The following TNNI3K variants were observed in gnomAD, a reference collection of about 807,000 sequenced individuals.
TNNI3K encodes the protein TNNI3 interacting kinase, also known as serine/threonine-protein kinase TNNI3K.
In TNNI3K, 140 loss-of-function variants were observed where a neutral mutation model predicts 114.5. The observed-to-expected ratio is 1.22, with a 90% CI of 1.07 to 1.41. The LOEUF is 1.41. TNNI3K is among the 40% of genes most tolerant of loss of function. The pLI, the probability that TNNI3K is intolerant of heterozygous loss-of-function variation, is 0.00. For missense variants in TNNI3K, 1,125 were observed against 1,007.6 expected, an observed-to-expected ratio of 1.12 and a Z score of -1.58; for synonymous variants, 347 against 347.5, an observed-to-expected ratio of 1.00 and a Z score of 0.02.
At chr1:74,437,797 AC>A (rs771587565) in intron 19 of TNNI3K, among the ~76,000 whole-genome samples, 2 of 151,724 alleles carry the variant, frequency 1.3e-5, no homozygotes, top group African/African-American at 2.4e-5. Context: ...AAGTTTAGAA[AC>A]TTTTTTTAAG....
chr1:74,299,257 T>A (rs556748689), intron 5 of TNNI3K, among the ~76,000 whole-genome samples: 1 of 152,290 alleles, frequency 6.6e-6, no homozygotes, highest in South Asian at 2.1e-4. Flanking sequence ...GGTTACTGGC[T>A]TTTGCATCTT....
chr1:74,459,077 A>G (rs1436763653), intron 20 of TNNI3K, among the ~76,000 whole-genome samples: 1 of 152,214 alleles, frequency 6.6e-6, no homozygotes, highest in Admixed American at 6.5e-5. Context: ...TAGCAAAGAC[A>G]TGGAATCAAC....
At chr1:74,246,879 G>A (rs150619139) in intron 2 of TNNI3K, among the ~76,000 whole-genome samples, 26 of 152,264 alleles carry the variant, frequency 1.7e-4, no homozygotes, top group African/African-American at 6.0e-4. Flanking sequence ...ATCCTTGAAA[G>A]CCTCATTCTT....
chr1:74,336,530 G>A (rs1660477691), intron 7 of TNNI3K, among the ~76,000 whole-genome samples: 3 of 135,758 alleles, frequency 2.2e-5, no homozygotes, highest in Middle Eastern at 4.4e-3. Flanking sequence ...TCCCCAGAGT[G>A]TGATATTCCC....
At chr1:74,298,973 G>A (rs1658156711) in intron 5 of TNNI3K, among the ~76,000 whole-genome samples, 1 of 152,042 alleles carries the variant, frequency 6.6e-6, no homozygotes, top group Admixed American at 6.6e-5. Flanking sequence ...GAAACACGGT[G>A]AAAGGAAACT....
At chr1:74,463,388 T>C in intron 20 of TNNI3K, 53 bp from the exon 21 acceptor site, 1 of 1,586,384 alleles carries the variant, frequency 6.3e-7, no homozygotes, top group Non-Finnish European at 8.7e-7. Context: ...CTTCATTTGT[T>C]GCTTGAAATA....
chr1:74,535,649 A>G (rs2100453810), intron 23 of TNNI3K, among the ~76,000 whole-genome samples: 1 of 152,250 alleles, frequency 6.6e-6, no homozygotes, highest in Middle Eastern at 3.4e-3. Context: ...CCCCTACTAG[A>G]ACAATTCAAT....
rs200123270 is a variant in TNNI3K at position 74,436,448 on chromosome 1, C to T, written c.1826-26C>T. 1.4e-4 allele frequency: 220 copies of T among 1,562,904 alleles called. No homozygotes were observed. The African/African-American group carries it at 2.2e-3, about 16-fold the overall frequency. On this transcript the variant is annotated intron_variant, in intron 18 of 24. Transcript: ENST00000326637. ...CTTGGTTTTAAGATATTTCCTTTGA[C>T]GTGATTTATTTTCTCTTTCCCTCAG...
At chr1:74,474,408 T>C (rs1668089107) in intron 21 of TNNI3K, among the ~76,000 whole-genome samples, 1 of 152,122 alleles carries the variant, frequency 6.6e-6, no homozygotes, top group African/African-American at 2.4e-5. Flanking sequence ...ACTCACATCC[T>C]ACCTTATAAC....
chr1:74,543,984 A>G lies in TNNI3K; in HGVS notation c.*2A>G. ...AGCAGCTTTGAGGACAGCAGCTGAC[A>G]GCATTCGGCGTATACCTAAGGAGAG... On this transcript the variant is annotated 3_prime_UTR_variant, in exon 25 of 25. Coordinates refer to ENST00000326637, the MANE Select transcript of TNNI3K (RefSeq NM_015978.3). 5 of 1,612,724 alleles carry G rather than the reference A, an allele frequency of 3.1e-6. No individual in the cohort carries two copies. Among genetic ancestry groups the G allele is most frequent in the Non-Finnish European group, 4.2e-6 (5 of 1,179,468 alleles).
In TNNI3K at chr1:74,483,974, T is replaced by C. The variant is rs573481052; in HGVS notation, c.2122-5215T>C. On this transcript the variant is annotated intron_variant, in intron 21 of 24. Transcript: ENST00000326637. ...AATTCAGCTCTGTTTTTACTGACTA[T>C]ATTATCTTAGAAAAAAATATTTCTT... 2.6e-5 allele frequency among the ~76,000 whole-genome samples: 4 copies of C among 152,302 alleles called. No homozygotes were observed. The South Asian group carries it at 6.2e-4, about 24-fold the overall frequency.
intron 17 of TNNI3K, chr1:74,375,452 A>C (rs1214249677): frequency 5.2e-5 from 21 of 406,592 alleles, no homozygotes; most frequent in Non-Finnish European, 9.1e-5. Context: ...ATTAGAAATA[A>C]TGGTTTAGGA....
At chr1:74,488,335 A>G (rs753771166) in intron 21 of TNNI3K, among the ~76,000 whole-genome samples, 12 of 152,166 alleles carry the variant, frequency 7.9e-5, no homozygotes, top group Non-Finnish European at 1.8e-4. Flanking sequence ...TAAGGGAAGC[A>G]GTGTTCTCAG....
chr1:74,267,134 G>A (rs957768680), intron 4 of TNNI3K, among the ~76,000 whole-genome samples: 3 of 152,032 alleles, frequency 2.0e-5, no homozygotes, highest in Admixed American at 2.0e-4. Context: ...AGTCTTAAGA[G>A]ACTTTCTTTT....
chr1:74,520,925 G>A (rs1449314101), intron 23 of TNNI3K, among the ~76,000 whole-genome samples: 3 of 152,116 alleles, frequency 2.0e-5, no homozygotes, highest in Admixed American at 6.5e-5. Flanking sequence ...TGTGAATAGT[G>A]GTGACATGGG....
At chr1:74,308,836 C>A (rs576509374) in intron 5 of TNNI3K, among the ~76,000 whole-genome samples, 1 of 152,070 alleles carries the variant, frequency 6.6e-6, no homozygotes, top group African/African-American at 2.4e-5. Context: ...ACTGATTCCA[C>A]AGAAATACAA....
At chr1:74,266,113 C>T (rs973843383) in intron 4 of TNNI3K, among the ~76,000 whole-genome samples, 1 of 151,876 alleles carries the variant, frequency 6.6e-6, no homozygotes, top group South Asian at 2.1e-4. Context: ...GACAGGATGC[C>T]GTGTGGATGG....
At chr1:74,496,227 G>A (rs1031780884) in intron 23 of TNNI3K, among the ~76,000 whole-genome samples, 3 of 152,142 alleles carry the variant, frequency 2.0e-5, no homozygotes, top group African/African-American at 7.2e-5. Context: ...AGAAGGGGAT[G>A]CAGCTAATGA....
intron 9 of TNNI3K, among the ~76,000 whole-genome samples, chr1:74,346,790 A>C (rs193041735): frequency 1.3e-5 from 2 of 151,698 alleles, no homozygotes; most frequent in East Asian, 3.9e-4. Context: ...TCCAAGATCA[A>C]GGTGTCAACA....
Sources: gnomAD v4.1 joint callset for allele counts (sites outside exome capture counted in the v4.1 genomes callset) on GRCh38, gnomAD v4.1.1 for gene constraint, MANE v1.5 for transcripts, NCBI Gene and HGNC (gene_info 2026-07-23, HGNC 2026-07-21) for gene names.